The following MSRA variants were observed in gnomAD, a reference collection of about 807,000 sequenced individuals.
MSRA encodes the protein mitochondrial peptide methionine sulfoxide reductase.
Under a neutral mutation model 31.3 loss-of-function variants are expected in MSRA, and 54 were observed. The ratio of observed to expected loss-of-function variants is 1.73; its 90% CI spans 1.39 to 2.17. MSRA has a LOEUF of 2.17. Among genes scored for constraint, MSRA ranks in the 30% most tolerant of loss-of-function variants. The pLI is 0.00. For missense variants in MSRA, 507 were observed against 300.9 expected, an observed-to-expected ratio of 1.69 and a Z score of -5.07; for synonymous variants, 169 against 116.5, an observed-to-expected ratio of 1.45 and a Z score of -2.90.
At chr8:10,087,723 C>G (rs1798640745) in intron 1 of MSRA, among the ~76,000 whole-genome samples, 1 of 152,126 alleles carries the variant, frequency 6.6e-6, no homozygotes. Context: ...TCTGAGAGTG[C>G]CATACCCTCA....
Position 10,305,953 on chromosome 8 carries a change from C to A in MSRA, c.436+4315C>A, listed in dbSNP as rs190700315. Reference sequence around the variant, plus strand: ...TTTTAATTTACCAATTACCACAGAACCTCTACTTTTGCTGAAACATTTGAA... The same window carrying A: ...TTTTAATTTACCAATTACCACAGAAACTCTACTTTTGCTGAAACATTTGAA... On this transcript the variant is annotated intron_variant, in intron 4 of 5. Transcript: ENST00000317173. 3.3e-4 allele frequency among the ~76,000 whole-genome samples: 50 copies of A among 152,336 alleles called. 1 individual carries two copies. Among genetic ancestry groups the A allele is most frequent in the Non-Finnish European group, 1.5e-5 (1 of 68,032 alleles).
At chr8:10,206,233 CCAGTGGTCCTAACCAGAT>C (rs971673412) in intron 1 of MSRA, among the ~76,000 whole-genome samples, 33 of 152,128 alleles carry the variant, frequency 2.2e-4, no homozygotes, top group Non-Finnish European at 4.7e-4. Flanking sequence ...AATTCAGTAA[CCAGTGGTCCTAACCAGAT>C]CAGTGAATGC....
intron 2 of MSRA, among the ~76,000 whole-genome samples, chr8:10,224,032 A>G (rs1453909012): frequency 2.0e-5 from 3 of 152,170 alleles, no homozygotes; most frequent in Non-Finnish European, 4.4e-5. Flanking sequence ...TCTGCATCCT[A>G]GGATCATCAT....
In MSRA at chr8:10,101,109, G is replaced by A. The variant is rs187153354; in HGVS notation, c.142+46451G>A. Among the ~76,000 whole-genome samples, 4 of 152,284 alleles carry A rather than the reference G, an allele frequency of 2.6e-5. No individual in the cohort carries two copies. In the East Asian group the frequency reaches 5.8e-4, roughly 22 times the overall value. On this transcript the variant is annotated intron_variant, in intron 1 of 5. Coordinates refer to ENST00000317173, the MANE Select transcript of MSRA (RefSeq NM_012331.5). Reference sequence around the variant, plus strand: ...AATAGTCCTTTACCGTCTTGGGTTAGAGATAATGTTCCTCAGCATCTCCCC... The same window carrying A: ...AATAGTCCTTTACCGTCTTGGGTTAAAGATAATGTTCCTCAGCATCTCCCC...
chr8:10,187,098 G>C (rs893941675), intron 1 of MSRA, among the ~76,000 whole-genome samples: 2 of 152,114 alleles, frequency 1.3e-5, no homozygotes, highest in Admixed American at 6.5e-5. Flanking sequence ...TAAAGACATG[G>C]GTACCTGGCA....
At chr8:10,228,835 A>G (rs775474213) in intron 2 of MSRA, among the ~76,000 whole-genome samples, 2 of 152,210 alleles carry the variant, frequency 1.3e-5, no homozygotes, top group Non-Finnish European at 2.9e-5. Context: ...TGTGTGGCTC[A>G]CAGCAGGCAT....
At chr8:10,144,138 A>G (rs984053400) in intron 1 of MSRA, among the ~76,000 whole-genome samples, 1 of 152,134 alleles carries the variant, frequency 6.6e-6, no homozygotes, top group South Asian at 2.1e-4. Context: ...CATCTTTAGG[A>G]AAGTCAGGTT....
chr8:10,093,523 A>G (rs909979146), intron 1 of MSRA, among the ~76,000 whole-genome samples: 2 of 152,150 alleles, frequency 1.3e-5, no homozygotes. Context: ...GTGCTTTTCA[A>G]CATAGGTTTA....
chr8:10,168,447 G>A (rs1057153454), intron 1 of MSRA, among the ~76,000 whole-genome samples: 2 of 152,168 alleles, frequency 1.3e-5, no homozygotes, highest in East Asian at 3.9e-4. Context: ...CATGCAGAAT[G>A]TGGCAGCCTG....
At chr8:10,393,965 C>A (rs1224589640) in intron 5 of MSRA, among the ~76,000 whole-genome samples, 1 of 152,198 alleles carries the variant, frequency 6.6e-6, no homozygotes, top group Non-Finnish European at 1.5e-5. Flanking sequence ...ATCCCCCAGG[C>A]CTTGTGTGTT....
intron 2 of MSRA, among the ~76,000 whole-genome samples, chr8:10,240,894 G>T (rs962157493): frequency 6.6e-6 from 1 of 151,620 alleles, no homozygotes; most frequent in Non-Finnish European, 1.5e-5. Context: ...TTACAGGATC[G>T]CCACACAGCC....
chr8:10,134,370 C>T (rs1802111719), intron 1 of MSRA, among the ~76,000 whole-genome samples: 1 of 152,214 alleles, frequency 6.6e-6, no homozygotes, highest in East Asian at 1.9e-4. Context: ...CAGTGCTGAG[C>T]TCATGTAGAG....
intron 1 of MSRA, among the ~76,000 whole-genome samples, chr8:10,153,831 AT>A (rs1419909997): frequency 6.6e-6 from 1 of 152,228 alleles, no homozygotes; most frequent in African/African-American, 2.4e-5. Context: ...TTCAAATCTC[AT>A]ATTCTTAATT....
chr8:10,403,992 T>C (rs1477227383), intron 5 of MSRA, among the ~76,000 whole-genome samples: 1 of 152,206 alleles, frequency 6.6e-6, no homozygotes, highest in African/African-American at 2.4e-5. Context: ...TAAAATGTGT[T>C]GGGCGGGGGA....
At chr8:10,278,119 A>G (rs1241301477) in intron 3 of MSRA, among the ~76,000 whole-genome samples, 1 of 152,150 alleles carries the variant, frequency 6.6e-6, no homozygotes, top group African/African-American at 2.4e-5. Flanking sequence ...TTCTACAGAT[A>G]TCATTTTCAG....
chr8:10,237,673 G>A (rs894551366), intron 2 of MSRA, among the ~76,000 whole-genome samples: 2 of 152,232 alleles, frequency 1.3e-5, no homozygotes, highest in East Asian at 1.9e-4. Context: ...TTTCCTACAC[G>A]TCTGCTCCAT....
At chr8:10,055,493 T>TGCC (rs1234342521) in intron 1 of MSRA, among the ~76,000 whole-genome samples, 1 of 152,240 alleles carries the variant, frequency 6.6e-6, no homozygotes, top group Non-Finnish European at 1.5e-5. Context: ...TGCCCCCACC[T>TGCC]GCCGCAGCAG....
intron 1 of MSRA, among the ~76,000 whole-genome samples, chr8:10,177,512 T>C (rs556451130): frequency 6.6e-6 from 1 of 152,264 alleles, no homozygotes; most frequent in South Asian, 2.1e-4. Flanking sequence ...CCACCTCTTC[T>C]TTGGGAGGAA....
intron 1 of MSRA, among the ~76,000 whole-genome samples, chr8:10,179,342 T>C (rs1199216721): frequency 6.6e-6 from 1 of 152,158 alleles, no homozygotes; most frequent in African/African-American, 2.4e-5. Flanking sequence ...ATCGTGGGAC[T>C]TTGGGCTGTA....
Sources: allele counts gnomAD v4.1 joint callset (sites outside exome capture counted in the v4.1 genomes callset), GRCh38; gene constraint gnomAD v4.1.1; transcripts MANE v1.5; gene names NCBI Gene and HGNC (gene_info 2026-07-23, HGNC 2026-07-21).